COLEC10: variants seen among roughly 807,000 people sequenced by gnomAD.
COLEC10 encodes the protein collectin subfamily member 10, also known as collectin-10.
In COLEC10, 22 loss-of-function variants were observed where a neutral mutation model predicts 28.4. The ratio of observed to expected loss-of-function variants is 0.78; its 90% CI spans 0.55 to 1.11. The LOEUF (loss-of-function observed/expected upper bound fraction) is 1.11. Ranked by LOEUF, COLEC10 falls within the 50% of genes least tolerant of loss-of-function variation. The probability of loss-of-function intolerance (pLI) is 0.00; values close to 1 mark genes in which losing one functional copy is unlikely to be tolerated. For synonymous variants in COLEC10, 125 were observed against 116.1 expected (o/e 1.08, Z -0.49); for missense variants, 361 against 344.1 (o/e 1.05, Z -0.39).
At chr8:119,035,820 G>A (rs1387392990) in intron 2 of COLEC10, among the ~76,000 whole-genome samples, 1 of 152,208 alleles carries the variant, frequency 6.6e-6, no homozygotes, top group African/African-American at 2.4e-5. Flanking sequence ...TATCAAGGAT[G>A]TGTGGTTCGG....
chr8:119,084,262 C>G (rs1815424944), intron 1 of COLEC10, among the ~76,000 whole-genome samples: 1 of 152,128 alleles, frequency 6.6e-6, no homozygotes, highest in South Asian at 2.1e-4. Context: ...GCTAAGTTCA[C>G]AGAGCTGATA....
At chr8:119,012,002 G>A (rs569751863) in intron 2 of COLEC10, among the ~76,000 whole-genome samples, 63 of 150,708 alleles carry the variant, frequency 4.2e-4, no homozygotes, top group South Asian at 3.1e-3. Flanking sequence ...GTATGATATT[G>A]AAAAGAGGTA....
chr8:118,980,673 G>A, the COLEC10 span, among the ~76,000 whole-genome samples: 2 of 151,932 alleles, frequency 1.3e-5, no homozygotes, highest in African/African-American at 4.8e-5. Flanking sequence ...GAAGTATGTT[G>A]TTCAAGATAG....
chr8:119,077,687 G>T (rs1563736559), intron 1 of COLEC10, among the ~76,000 whole-genome samples: 1 of 152,186 alleles, frequency 6.6e-6, no homozygotes, highest in Non-Finnish European at 1.5e-5. Flanking sequence ...AATGGAGGAG[G>T]AACTAACTAA....
chr8:119,092,065 A>G (rs1027390032), intron 3 of COLEC10, among the ~76,000 whole-genome samples: 4 of 136,914 alleles, frequency 2.9e-5, no homozygotes, highest in Non-Finnish European at 6.1e-5. Context: ...GTCTTGTCCT[A>G]ATTTTTTTTT....
intron 2 of COLEC10, among the ~76,000 whole-genome samples, chr8:119,033,359 C>T (rs1814327230): frequency 1.1e-5 from 1 of 88,938 alleles, no homozygotes; most frequent in Admixed American, 1.0e-4. Flanking sequence ...ATGACTATAA[C>T]ACCAAAGCAA....
At chr8:118,974,550 C>T in the COLEC10 span, among the ~76,000 whole-genome samples, 1 of 151,956 alleles carries the variant, frequency 6.6e-6, no homozygotes, top group African/African-American at 2.4e-5. Context: ...TTGTAATTGT[C>T]TTGTTCTGGG....
At position 119,106,924 on chromosome 8, in the gene COLEC10, CTT is replaced by C. The variant is rs1389642457; in HGVS notation, c.*735_*736del. On this transcript the variant is annotated 3_prime_UTR_variant, in exon 6 of 6. Coordinates refer to ENST00000332843, the MANE Select transcript of COLEC10 (RefSeq NM_006438.5). ...AATCTCAGGCCCCTATATAGTCACA[CTT>C]TGATTTAAGAAAAATGGAGCTCTTG... 6.6e-6 allele frequency among the ~76,000 whole-genome samples: 1 copy of C among 152,080 alleles called. No homozygotes were observed. The highest frequency in any genetic ancestry group is 1.5e-5 in the Non-Finnish European group (1 of 68,018).
chr8:119,028,909 G>A (rs1024953037), intron 2 of COLEC10, among the ~76,000 whole-genome samples: 4 of 152,270 alleles, frequency 2.6e-5, no homozygotes, highest in South Asian at 4.1e-4. Context: ...CAACAATTAT[G>A]TGTTGAGCAT....
rs149331285 is a variant in COLEC10, at chr8:119,103,826, C to T, written c.373C>T (p.Arg125Trp). 7.8e-4 allele frequency: 1,261 copies of T among 1,612,080 alleles called. No individual in the cohort carries two copies. Among genetic ancestry groups the T allele is most frequent in the Non-Finnish European group, 1.0e-3 (1,188 of 1,178,604 alleles). Reference protein sequence around the residue: ...AGTVCDCGRYRKFVGQLDISI... With the variant: ...AGTVCDCGRYWKFVGQLDISI... ...TACTGTCTGTGATTGTGGAAGATAC[C>T]GGAAATTTGTTGGACAACTGGATAT... Residue 125 changes from arginine (R) to tryptophan (W), a missense_variant, in exon 5 of 6, where the codon CGG becomes TGG. Physicochemically the swap from Arg to Trp is moderately radical, Grantham distance 101. This residue lies in a region of COLEC10 where 335 missense variants were observed against 308.5 expected (regional missense o/e 1.09). Transcript: ENST00000332843.
At chr8:119,004,328 T>C (rs950020302) in intron 1 of COLEC10, among the ~76,000 whole-genome samples, 1 of 151,882 alleles carries the variant, frequency 6.6e-6, no homozygotes. Context: ...CCATTATTTC[T>C]AGTGTCATAG....
At chr8:119,013,958 C>A (rs1813945372) in intron 2 of COLEC10, among the ~76,000 whole-genome samples, 1 of 150,580 alleles carries the variant, frequency 6.6e-6, no homozygotes, top group Admixed American at 6.6e-5. Context: ...CTTATCATAA[C>A]AAAATAGTTC....
At chr8:119,043,367 A>G (rs1814531201) in intron 2 of COLEC10, among the ~76,000 whole-genome samples, 2 of 152,220 alleles carry the variant, frequency 1.3e-5, no homozygotes, top group African/African-American at 4.8e-5. Context: ...TTGCCTAAAA[A>G]TTGAAGCTGA....
intron 2 of COLEC10, among the ~76,000 whole-genome samples, chr8:119,021,442 G>A (rs978905708): frequency 1.3e-5 from 2 of 152,154 alleles, no homozygotes; most frequent in Non-Finnish European, 2.9e-5. Context: ...CAGTTTAGGA[G>A]CAGAGAATGC....
the COLEC10 span, among the ~76,000 whole-genome samples, chr8:118,962,358 G>C: frequency 3.3e-5 from 5 of 152,214 alleles, no homozygotes; most frequent in Non-Finnish European, 4.4e-5. Context: ...TAAACGTCTA[G>C]TGTATTCATC....
At chr8:119,079,834 T>C (rs1378501774) in intron 1 of COLEC10, among the ~76,000 whole-genome samples, 3 of 152,074 alleles carry the variant, frequency 2.0e-5, no homozygotes, top group Non-Finnish European at 2.9e-5. Context: ...CTGGAATTGA[T>C]AGGGCACAAT....
At chr8:119,031,194 G>C (rs1308595822) in intron 2 of COLEC10, among the ~76,000 whole-genome samples, 1 of 152,188 alleles carries the variant, frequency 6.6e-6, no homozygotes, top group Non-Finnish European at 1.5e-5. Flanking sequence ...GAAATATCAT[G>C]TGGCAGTGAA....
the COLEC10 span, among the ~76,000 whole-genome samples, chr8:118,956,327 A>G: frequency 2.6e-5 from 4 of 152,218 alleles, no homozygotes; most frequent in Non-Finnish European, 4.4e-5. Flanking sequence ...AAGCTGTTGA[A>G]GGGTGTAATT....
rs536480723 is a variant in COLEC10 at position 119,061,028 on chromosome 8, T to G, written n.236-28652T>G. Among the ~76,000 whole-genome samples, 474 of 152,110 alleles carry G rather than the reference T, an allele frequency of 3.1e-3. 1 individual carries two copies. The highest frequency in any genetic ancestry group is 0.011 in the African/African-American group (437 of 41,540). On this transcript the variant is annotated intron_variant and non_coding_transcript_variant, in intron 2 of 6. Coordinates refer to the COLEC10 transcript ENST00000521788. The stretch of plus-strand genomic sequence containing the variant: ...GAGCTAATAAAAGTAAGACAAAAGC[T>G]ATAAAGGAAGAAAAATTAGAAAGAC...
Sources: allele counts gnomAD v4.1 joint callset (sites outside exome capture counted in the v4.1 genomes callset), GRCh38; gene constraint gnomAD v4.1.1; regional missense constraint gnomAD v4.1.1; transcripts MANE v1.5; gene names NCBI Gene and HGNC (gene_info 2026-07-23, HGNC 2026-07-21).